The following ANKRD36B variants were observed in gnomAD, a reference collection of about 807,000 sequenced individuals.
ANKRD36B encodes ankyrin repeat domain-containing protein 36B.
Under a neutral mutation model 135.7 loss-of-function variants are expected in ANKRD36B, and 37 were observed. That is an observed-to-expected ratio of 0.27 (90% CI 0.21 to 0.36). ANKRD36B has a LOEUF of 0.36. ANKRD36B is among the 10% of genes least tolerant of loss of function. ANKRD36B has a pLI of 1.00. For synonymous variants in ANKRD36B, 179 were observed against 348.1 expected, an observed-to-expected ratio of 0.51 and a Z score of 5.41; for missense variants, 549 against 1,037.1, an observed-to-expected ratio of 0.53 and a Z score of 6.46.
chr2:97,546,869 C>A (rs577534031), intron 22 of ANKRD36B, among the ~76,000 whole-genome samples: 19 of 151,640 alleles, frequency 1.3e-4, no homozygotes, highest in African/African-American at 4.3e-4. Flanking sequence ...TCTGATGCCT[C>A]CTAGTAACAA....
chr2:97,563,023 T>C (rs2081165772), intron 6 of ANKRD36B, among the ~76,000 whole-genome samples: 1 of 152,034 alleles, frequency 6.6e-6, no homozygotes, highest in African/African-American at 2.4e-5. Context: ...TACTGAGCAA[T>C]AAACTAGGAT....
intron 24 of ANKRD36B, 130 bp downstream of exon 24, chr2:97,545,536 C>T: frequency 5.4e-6 from 3 of 555,574 alleles, no homozygotes; most frequent in South Asian, 4.9e-5. Context: ...GAACTTATTA[C>T]AAATGAATAA....
At chr2:97,587,226 T>A (rs941942753) in intron 1 of ANKRD36B, among the ~76,000 whole-genome samples, 2 of 152,110 alleles carry the variant, frequency 1.3e-5, no homozygotes, top group Non-Finnish European at 2.9e-5. Context: ...CTGAGAATTT[T>A]TTTTCTTTGC....
At chr2:97,551,252 G>C (rs1160093904) in intron 18 of ANKRD36B, 37 bp downstream of exon 18, 1 of 1,537,858 alleles carries the variant, frequency 6.5e-7, no homozygotes, top group African/African-American at 1.4e-5. Context: ...TTCTTATCTG[G>C]ACTGAACATG....
chr2:97,580,140 T>C (rs1388280501), intron 4 of ANKRD36B, among the ~76,000 whole-genome samples: 2 of 152,256 alleles, frequency 1.3e-5, no homozygotes, highest in African/African-American at 4.8e-5. Context: ...AAGCATCACA[T>C]TATTACATTG....
chr2:97,584,298 T>C (rs1219758418), intron 3 of ANKRD36B, among the ~76,000 whole-genome samples: 33 of 122,024 alleles, frequency 2.7e-4, no homozygotes, highest in Admixed American at 2.4e-3. Flanking sequence ...GTAAGAATAA[T>C]CATCCCCAAA....
chr2:97,551,405 T>TA (rs2080051242), intron 17 of ANKRD36B, 44 bp from the exon 18 acceptor site: 1 of 1,605,534 alleles, frequency 6.2e-7, no homozygotes, highest in African/African-American at 1.3e-5. Flanking sequence ...GTATGTTTCA[T>TA]AGGCTATACG....
intron 35 of ANKRD36B, among the ~76,000 whole-genome samples, chr2:97,525,735 C>T (rs1209522626): frequency 1.0e-5 from 1 of 97,644 alleles, no homozygotes; most frequent in South Asian, 2.3e-4. Context: ...TAAAAAATGG[C>T]GCACCAGGAG....
At chr2:97,556,869 T>C (rs1468256067) in intron 12 of ANKRD36B, 68 bp downstream of exon 12, 1 of 1,529,160 alleles carries the variant, frequency 6.5e-7, no homozygotes, top group African/African-American at 1.4e-5. Flanking sequence ...CCCACTGATC[T>C]ATTCAGGGGT....
chr2:97,553,317 C>G, intron 15 of ANKRD36B, 26 bp downstream of exon 15: 1 of 1,608,950 alleles, frequency 6.2e-7, no homozygotes. Context: ...TTTACTAGTT[C>G]ACAACATAAA....
In ANKRD36B at chr2:97,547,549, T is replaced by C; in HGVS notation, c.1566A>G (p.Glu522=). 6.5e-7 allele frequency: 1 copy of C among 1,542,712 alleles called. No individual in the cohort carries two copies. Among genetic ancestry groups the C allele is most frequent in the South Asian group, 1.1e-5 (1 of 87,974 alleles). Reference sequence around the variant, plus strand: ...TTTCAAAATTACCTCTCCTAGTTTTTTCTCCATCTTTTTTTCCTCTGGCTA... The same window carrying C: ...TTTCAAAATTACCTCTCCTAGTTTTCTCTCCATCTTTTTTTCCTCTGGCTA... ...LNIARGKKDG[E]KTRRVSSHKQ... is the part of the protein sequence containing the mutation. Residue 522 remains glutamate, a synonymous_variant, in exon 22 of 44, where the codon GAA becomes GAG. Coordinates refer to ENST00000359901, the MANE Select transcript of ANKRD36B (RefSeq NM_001393939.1).
rs1418673030 is a variant in ANKRD36B, at chr2:97,538,850, T to A, written c.1988-487A>T. ...CAATGACAATGACACTTTAATAGAA[T>A]GTACACTTCACAAGTCCTCAGTGGA... On this transcript the variant is annotated intron_variant, in intron 30 of 43. Transcript: ENST00000359901. Among the ~76,000 whole-genome samples, 2 of 96,852 alleles carry A rather than the reference T, an allele frequency of 2.1e-5. 1 individual carries two copies. The highest frequency in any genetic ancestry group is 6.2e-5 in the African/African-American group (2 of 32,382). The allele number at this position is 96,852 out of a possible 152,430, so 63.5% of individuals were successfully genotyped here. A position where few individuals can be genotyped will look rare whatever the true frequency, so the allele number is the denominator to read the frequency against.
intron 18 of ANKRD36B, among the ~76,000 whole-genome samples, chr2:97,551,063 A>C (rs892307614): frequency 6.6e-6 from 1 of 151,820 alleles, no homozygotes; most frequent in Non-Finnish European, 1.5e-5. Context: ...ACTGCTCTCT[A>C]TATTTCTTCC....
At chr2:97,563,417 A>T (rs1487376532) in intron 6 of ANKRD36B, among the ~76,000 whole-genome samples, 2 of 134,306 alleles carry the variant, frequency 1.5e-5, no homozygotes, top group East Asian at 4.1e-4. Flanking sequence ...TACAGTTTTC[A>T]GAAGAGAAAA....
intron 12 of ANKRD36B, among the ~76,000 whole-genome samples, chr2:97,556,124 A>G (rs1287026768): frequency 1.3e-5 from 2 of 151,960 alleles, no homozygotes; most frequent in African/African-American, 4.8e-5. Flanking sequence ...TTGTATTATA[A>G]AGAATTTTCA....
At chr2:97,529,334 C>G (rs1456056267) in intron 35 of ANKRD36B, among the ~76,000 whole-genome samples, 1 of 95,154 alleles carries the variant, frequency 1.1e-5, no homozygotes, top group African/African-American at 3.2e-5. Context: ...GCAGAAAAGG[C>G]CTTTGATAAA....
chr2:97,557,042 A>C (rs1203371082), intron 11 of ANKRD36B, 33 bp from the exon 12 acceptor site: 103 of 1,547,922 alleles, frequency 6.7e-5, no homozygotes, highest in Non-Finnish European at 8.5e-5. Context: ...TAGTCAATAC[A>C]TAATATATAT....
intron 6 of ANKRD36B, among the ~76,000 whole-genome samples, chr2:97,567,501 A>C (rs368540606): frequency 6.6e-6 from 1 of 151,980 alleles, no homozygotes. Flanking sequence ...TTAGCATACA[A>C]ATGATATCAT....
At chr2:97,576,886 C>T (rs1024690901) in intron 5 of ANKRD36B, among the ~76,000 whole-genome samples, 1 of 152,042 alleles carries the variant, frequency 6.6e-6, no homozygotes, top group Non-Finnish European at 1.5e-5. Flanking sequence ...GGAGCTTGTT[C>T]TTGAACTTTA....
Sources: allele counts gnomAD v4.1 joint callset (sites outside exome capture counted in the v4.1 genomes callset), GRCh38; gene constraint gnomAD v4.1.1; transcripts MANE v1.5; gene names NCBI Gene and HGNC (gene_info 2026-07-23, HGNC 2026-07-21).